Variants in RNF111 observed in about 807,000 individuals in gnomAD.
RNF111 encodes the protein ring finger protein 111.
RNF111 carries 17 observed loss-of-function variants against 95.1 expected under a neutral mutation model. The observed-to-expected ratio is 0.18, with a 90% CI of 0.12 to 0.27. RNF111 has a LOEUF of 0.27. Among genes scored for constraint, RNF111 ranks in the 10% least tolerant of loss-of-function variants. The probability of loss-of-function intolerance (pLI) is 1.00; values close to 1 mark genes in which losing one functional copy is unlikely to be tolerated. For missense variants in RNF111, 1,189 were observed against 1,210.4 expected, an observed-to-expected ratio of 0.98 and a Z score of 0.26; for synonymous variants, 440 against 414.8, an observed-to-expected ratio of 1.06 and a Z score of -0.74.
At chr15:59,084,952 A>C (rs1437409163) in intron 9 of RNF111, among the ~76,000 whole-genome samples, 3 of 151,740 alleles carry the variant, frequency 2.0e-5, no homozygotes, top group Non-Finnish European at 4.4e-5. Flanking sequence ...TCTGACCCCC[A>C]CCTTTGTACT....
intron 2 of RNF111, among the ~76,000 whole-genome samples, chr15:59,040,028 T>C (rs189116495): frequency 2.2e-4 from 33 of 152,210 alleles, no homozygotes; most frequent in Admixed American, 1.2e-3. Flanking sequence ...TTTTCTTTTA[T>C]TGGGAGGTGA....
At chr15:59,015,932 A>T (rs1002532123) in intron 1 of RNF111, among the ~76,000 whole-genome samples, 1 of 151,788 alleles carries the variant, frequency 6.6e-6, no homozygotes, top group Non-Finnish European at 1.5e-5. Flanking sequence ...GCCCACTGCA[A>T]CCTCTGCCCC....
intron 1 of RNF111, among the ~76,000 whole-genome samples, chr15:58,994,910 T>C (rs1222491819): frequency 2.6e-5 from 4 of 152,252 alleles, no homozygotes; most frequent in Non-Finnish European, 5.9e-5. Flanking sequence ...ATTCAGAAAA[T>C]TAAACTTTGA....
intron 2 of RNF111, among the ~76,000 whole-genome samples, chr15:59,041,546 G>C (rs1432477000): frequency 6.6e-6 from 1 of 151,978 alleles, no homozygotes; most frequent in East Asian, 1.9e-4. Context: ...GGGTGACAGA[G>C]TGGGACTCTG....
At chr15:59,039,951 A>T (rs1297971988) in intron 2 of RNF111, among the ~76,000 whole-genome samples, 1 of 151,750 alleles carries the variant, frequency 6.6e-6, no homozygotes, top group Admixed American at 6.6e-5. Flanking sequence ...TCCTGACCTC[A>T]TGATCCACCT....
chr15:59,020,074 A>C (rs1226481586), intron 1 of RNF111, among the ~76,000 whole-genome samples: 1 of 149,570 alleles, frequency 6.7e-6, no homozygotes, highest in Non-Finnish European at 1.5e-5. Context: ...TATATCATAT[A>C]ATTTTATATT....
At chr15:59,072,680 C>T (rs1367970493) in intron 6 of RNF111, among the ~76,000 whole-genome samples, 1 of 151,898 alleles carries the variant, frequency 6.6e-6, no homozygotes, top group African/African-American at 2.4e-5. Flanking sequence ...TCTCAATCTC[C>T]TGACCTCGTG....
intron 1 of RNF111, among the ~76,000 whole-genome samples, chr15:59,006,005 G>A (rs1449062123): frequency 2.6e-5 from 4 of 152,178 alleles, no homozygotes; most frequent in Non-Finnish European, 4.4e-5. Flanking sequence ...CAAAATTTAG[G>A]AAGTCACTAT....
intron 12 of RNF111, among the ~76,000 whole-genome samples, chr15:59,091,470 T>C (rs891921916): frequency 6.6e-6 from 1 of 152,192 alleles, no homozygotes; most frequent in Non-Finnish European, 1.5e-5. Flanking sequence ...AGGAGATGAT[T>C]ACCACATAGT....
intron 2 of RNF111, among the ~76,000 whole-genome samples, chr15:59,035,146 A>G (rs1053368884): frequency 1.2e-4 from 18 of 152,310 alleles, no homozygotes; most frequent in Admixed American, 6.5e-4. Flanking sequence ...ACTCACTACC[A>G]TGAGAACATG....
intron 6 of RNF111, among the ~76,000 whole-genome samples, chr15:59,068,316 A>AT (rs1243703872): frequency 2.0e-5 from 3 of 152,238 alleles, no homozygotes; most frequent in Non-Finnish European, 4.4e-5. Context: ...GCTGCAAAAA[A>AT]AGTCAAAGAG....
intron 1 of RNF111, among the ~76,000 whole-genome samples, chr15:59,012,517 C>G (rs1275728611): frequency 1.6e-4 from 24 of 152,166 alleles, no homozygotes. Context: ...ACTATTAATG[C>G]ATGATTGCTG....
chr15:59,060,305 C>G (rs2142023971), intron 5 of RNF111, among the ~76,000 whole-genome samples: 1 of 150,768 alleles, frequency 6.6e-6, no homozygotes, highest in East Asian at 1.9e-4. Flanking sequence ...TATTTTAATT[C>G]TTAAAAAAAA....
intron 11 of RNF111, among the ~76,000 whole-genome samples, chr15:59,090,208 T>TTTTG (rs142811419): frequency 1.5e-3 from 222 of 151,422 alleles, no homozygotes; most frequent in Middle Eastern, 3.4e-3. Flanking sequence ...TGGTTTGTTT[T>TTTTG]TTTGTTTGTT....
intron 8 of RNF111, 148 bp from the exon 9 acceptor site, chr15:59,083,981 T>G: frequency 5.6e-6 from 3 of 535,520 alleles, no homozygotes; most frequent in South Asian, 9.7e-5. Flanking sequence ...TAATTTTATA[T>G]GTTTTTATAA....
At chr15:59,080,914 A>T in intron 7 of RNF111, 22 bp from the exon 8 acceptor site, 1 of 1,579,826 alleles carries the variant, frequency 6.3e-7, no homozygotes, top group Admixed American at 1.7e-5. Flanking sequence ...TATGTAACAT[A>T]CTCAAAATAT....
chr15:58,988,020 G>A lies in RNF111; in HGVS notation c.-68G>A, dbSNP rs956551243. Reference sequence around the variant, plus strand: ...CTTACATTTCTGTCTTCCTTCCTGGGTCAGTGATTCCCGGACCCTGGAAGA... The same window carrying A: ...CTTACATTTCTGTCTTCCTTCCTGGATCAGTGATTCCCGGACCCTGGAAGA... On this transcript the variant is annotated 5_prime_UTR_variant, in exon 1 of 14. Coordinates refer to ENST00000348370, the MANE Select transcript of RNF111 (RefSeq NM_017610.8). 4 of 151,584 alleles carry A rather than the reference G, an allele frequency of 2.6e-5. No homozygotes were observed. Among genetic ancestry groups the A allele is most frequent in the Admixed American group, 2.0e-4 (3 of 15,180 alleles). 9.4% of individuals were successfully genotyped at this position (151,584 alleles called of 1,614,324 possible). A position where few individuals can be genotyped will look rare whatever the true frequency, so the allele number is the denominator to read the frequency against.
chr15:59,079,916 A>G (rs73418820), intron 7 of RNF111, among the ~76,000 whole-genome samples: 1,592 of 152,244 alleles, frequency 0.01, 31 homozygotes, highest in African/African-American at 0.036. Context: ...ACACCCTATT[A>G]TGACAGAGCT....
At chr15:59,020,214 TATACA>T (rs2040269301) in intron 1 of RNF111, among the ~76,000 whole-genome samples, 1 of 149,576 alleles carries the variant, frequency 6.7e-6, no homozygotes, top group Non-Finnish European at 1.5e-5. Flanking sequence ...CTTAATTCTA[TATACA>T]ATAAAGATAA....
Sources: gnomAD v4.1 joint callset for allele counts (sites outside exome capture counted in the v4.1 genomes callset) on GRCh38, gnomAD v4.1.1 for gene constraint, MANE v1.5 for transcripts, NCBI Gene and HGNC (gene_info 2026-07-23, HGNC 2026-07-21) for gene names.